Variants in SMPDL3B observed in about 807,000 individuals in gnomAD.
SMPDL3B encodes the protein sphingomyelin phosphodiesterase acid like 3B, also known as acid sphingomyelinase-like phosphodiesterase 3b.
SMPDL3B carries 31 observed loss-of-function variants against 37.9 expected under a neutral mutation model. The observed-to-expected ratio is 0.82, with a 90% CI of 0.61 to 1.10. SMPDL3B has a LOEUF of 1.10. SMPDL3B is among the 50% of genes least tolerant of loss of function. The probability of loss-of-function intolerance (pLI) is 0.00; values close to 1 mark genes in which losing one functional copy is unlikely to be tolerated. For missense variants in SMPDL3B, 525 were observed against 597.8 expected, an observed-to-expected ratio of 0.88 and a Z score of 1.27; for synonymous variants, 235 against 242.6, an observed-to-expected ratio of 0.97 and a Z score of 0.29.
Position 27,958,937 on chromosome 1 carries a change from T to G in SMPDL3B, c.*99T>G. 7.5e-7 allele frequency: 1 copy of G among 1,335,662 alleles called. No individual in the cohort carries two copies. 82.7% of individuals were successfully genotyped at this position (1,335,662 alleles called of 1,614,324 possible). A position where few individuals can be genotyped will look rare whatever the true frequency, so the allele number is the denominator to read the frequency against. ...CACCATTTCCTCCGCGCCTGAGGAG[T>G]GAACTGAAATAGGACAACCGAATCA... On this transcript the variant is annotated 3_prime_UTR_variant, in exon 8 of 8. Transcript: ENST00000373894. This position sits in a 1 kb window ranked among gnomAD's most constrained non-coding sequence, Gnocchi z 5.6.
chr1:27,946,841 A>AT (rs779449494), intron 2 of SMPDL3B, among the ~76,000 whole-genome samples: 7 of 152,148 alleles, frequency 4.6e-5, no homozygotes, highest in Non-Finnish European at 8.8e-5. Flanking sequence ...GACATGTGAC[A>AT]TTGTCTCAGG....
intron 3 of SMPDL3B, among the ~76,000 whole-genome samples, chr1:27,949,677 C>T (rs1324288390): frequency 6.6e-6 from 1 of 152,178 alleles, no homozygotes; most frequent in Non-Finnish European, 1.5e-5. Context: ...CTACGGGACA[C>T]TATAGGGTGA....
chr1:27,952,323 G>A (rs2090461730), intron 3 of SMPDL3B, among the ~76,000 whole-genome samples: 1 of 152,154 alleles, frequency 6.6e-6, no homozygotes, highest in Non-Finnish European at 1.5e-5. Context: ...CAGGGCAAAG[G>A]GTGTGTTAGA....
rs76938686 is a variant in SMPDL3B, at chr1:27,957,491, G to C, written c.1006-985G>C. Among the ~76,000 whole-genome samples the C allele has an allele frequency of 6.9e-4, 105 of 152,268 alleles. 1 individual carries two copies. The highest frequency in any genetic ancestry group is 2.4e-3 in the African/African-American group (99 of 41,554). Reference sequence around the variant, plus strand: ...CTGTTACCTTTGGGAGGGCTAAATGGCATCAAGTGAAAGTGGACAGGGAAG... The same window carrying C: ...CTGTTACCTTTGGGAGGGCTAAATGCCATCAAGTGAAAGTGGACAGGGAAG... On this transcript the variant is annotated intron_variant, in intron 7 of 7. Coordinates refer to ENST00000373894, the MANE Select transcript of SMPDL3B (RefSeq NM_014474.4).
At chr1:27,951,738 AC>A (rs1456746368) in intron 3 of SMPDL3B, among the ~76,000 whole-genome samples, 16 of 152,178 alleles carry the variant, frequency 1.1e-4, no homozygotes, top group Non-Finnish European at 2.4e-4. Flanking sequence ...ACTCTTAGCT[AC>A]TTGGGAGGCT....
At position 27,958,457 on chromosome 1, in the gene SMPDL3B, C is replaced by T. The variant is rs768993612; in HGVS notation, c.1006-19C>T. On this transcript the variant is annotated intron_variant, in intron 7 of 7. Coordinates refer to ENST00000373894, the MANE Select transcript of SMPDL3B (RefSeq NM_014474.4). The surrounding 1 kb of genome is among the most constrained non-coding windows in gnomAD (Gnocchi z 5.6). ...CAGACAACTGCTCACAGCCGGTCTA[C>T]CCCAAACCCTTTTTCCAGGACATGG... 2 of 1,587,152 alleles carry T rather than the reference C, an allele frequency of 1.3e-6. No individual in the cohort carries two copies. Among genetic ancestry groups the T allele is most frequent in the East Asian group, 4.5e-5 (2 of 44,394 alleles).
chr1:27,953,501 G>C (rs11577165), intron 4 of SMPDL3B, 143 bp downstream of exon 4: 153,886 of 714,002 alleles, frequency 0.22, 17,358 homozygotes, highest in Admixed American at 0.27. Flanking sequence ...GCTTAGAAAA[G>C]GCAGTCTTGG....
chr1:27,946,869 T>C (rs1278595518), intron 2 of SMPDL3B, among the ~76,000 whole-genome samples: 1 of 152,194 alleles, frequency 6.6e-6, no homozygotes, highest in Non-Finnish European at 1.5e-5. Context: ...TGGACAGCTC[T>C]GGCTTCCTTG....
rs894090208 is a variant in SMPDL3B at position 27,953,086 on chromosome 1, CTG to C, written c.374-125_374-124del. The C allele has an allele frequency of 8.9e-6, 6 of 674,026 alleles. No individual in the cohort carries two copies. In the Admixed American group the frequency reaches 1.5e-4, roughly 16 times the overall value. 41.8% of individuals were successfully genotyped at this position (674,026 alleles called of 1,614,324 possible). ...ATTCTATCAAATGTGGGTTTCCTAT[CTG>C]TGTCTTTTCCTCATCTGTGCTATCG... On this transcript the variant is annotated intron_variant, in intron 3 of 7. Transcript: ENST00000373894.
intron 7 of SMPDL3B, 199 bp downstream of exon 7, chr1:27,956,281 C>A: frequency 6.6e-7 from 1 of 1,517,240 alleles, no homozygotes; most frequent in East Asian, 2.3e-5. Flanking sequence ...CACCAAGTCA[C>A]CTTTTCCCCT....
intron 4 of SMPDL3B, 125 bp from the exon 5 acceptor site, chr1:27,954,229 A>G: frequency 2.2e-6 from 2 of 926,202 alleles, no homozygotes; most frequent in Non-Finnish European, 3.3e-6. Flanking sequence ...TTGATGTCCC[A>G]CCCATGGGAA....
At chr1:27,949,896 TG>T (rs2148678379) in intron 3 of SMPDL3B, among the ~76,000 whole-genome samples, 1 of 149,986 alleles carries the variant, frequency 6.7e-6, no homozygotes, top group East Asian at 2.0e-4. Flanking sequence ...GACACAGATA[TG>T]GAGTAATAAT....
rs1224596269 is a variant in SMPDL3B at position 27,935,041 on chromosome 1, C to T, written c.-143C>T. ...AGGAGGAAGAGCCAGAGGATCCAGA[C>T]GCCTTGGAGGACTTGGAACACCTGT... On this transcript the variant is annotated 5_prime_UTR_variant, in exon 1 of 8. The change creates a new upstream start codon in the 5' untranslated region. Transcript: ENST00000373894. The T allele has an allele frequency of 3.7e-5, 23 of 625,638 alleles. No homozygotes were observed. Among genetic ancestry groups the T allele is most frequent in the Middle Eastern group, 3.1e-4 (1 of 3,212 alleles). 38.8% of individuals were successfully genotyped at this position (625,638 alleles called of 1,614,324 possible). A position where few individuals can be genotyped will look rare whatever the true frequency, so the allele number is the denominator to read the frequency against.
rs1327193220 is a variant in SMPDL3B at position 27,945,224 on chromosome 1, C to T, written c.62-8C>T. 2 of 1,613,668 alleles carry T rather than the reference C, an allele frequency of 1.2e-6. No individual in the cohort carries two copies. The highest frequency in any genetic ancestry group is 1.3e-5 in the African/African-American group (1 of 75,006). On this transcript the variant is annotated splice_polypyrimidine_tract_variant and splice_region_variant and intron_variant, in intron 1 of 7. Coordinates refer to ENST00000373894, the MANE Select transcript of SMPDL3B (RefSeq NM_014474.4). The surrounding 1 kb of genome is among the most constrained non-coding windows in gnomAD (Gnocchi z 4.0). The stretch of plus-strand genomic sequence containing the variant: ...CAGCTTTGAAGGAGGATGTTTTTTC[C>T]CCTGCAGGGAAGTTCTGGCACATCG...
chr1:27,956,615 T>A, intron 7 of SMPDL3B: 1 of 443,720 alleles, frequency 2.3e-6, no homozygotes, highest in Non-Finnish European at 3.0e-6. Context: ...TGAAAAATAT[T>A]ATTCCTTTAT....
At position 27,945,333 on chromosome 1, in the gene SMPDL3B, G is replaced by A. The variant is rs750939971; in HGVS notation, c.163G>A (p.Asp55Asn). ...ATCAGCTGGATCCCAGCCAGTGCCCGACGCAGGCCCCTGGGGTGACTACCT... is the reference window on the plus strand; with the variant it reads ...ATCAGCTGGATCCCAGCCAGTGCCCAACGCAGGCCCCTGGGGTGACTACCT... ...CPSAGSQPVP[D>N]AGPWGDYLCD... Residue 55 changes from aspartate (D) to asparagine (N), a missense_variant, in exon 2 of 8, where the codon GAC (aspartate) becomes AAC (asparagine). Transcript: ENST00000373894. The surrounding 1 kb of genome is among the most constrained non-coding windows in gnomAD (Gnocchi z 4.0). 7.4e-6 allele frequency: 12 copies of A among 1,614,118 alleles called. No homozygotes were observed. Among genetic ancestry groups the A allele is most frequent in the East Asian group, 2.2e-5 (1 of 44,880 alleles).
In SMPDL3B at chr1:27,935,063, C is replaced by A; in HGVS notation, c.-121C>A. ...AGACGCCTTGGAGGACTTGGAACAC[C>A]TGTAACAGGACAAGGAGTTCTGCTC... On this transcript the variant is annotated 5_prime_UTR_variant, in exon 1 of 8. In the 5' UTR this introduces an upstream ATG that the reference lacks. Coordinates refer to ENST00000373894, the MANE Select transcript of SMPDL3B (RefSeq NM_014474.4). 1 of 711,224 alleles carries A rather than the reference C, an allele frequency of 1.4e-6. No individual in the cohort carries two copies. Among genetic ancestry groups the A allele is most frequent in the Non-Finnish European group, 2.5e-6 (1 of 406,928 alleles). 44.1% of individuals were successfully genotyped at this position (711,224 alleles called of 1,614,324 possible).
intron 1 of SMPDL3B, chr1:27,941,547 G>A (rs916756962): frequency 3.3e-5 from 5 of 152,314 alleles, no homozygotes; most frequent in African/African-American, 1.2e-4. Context: ...ATTGTAAACA[G>A]GGAAGATGGA....
At chr1:27,955,001 C>T (rs773331741) in intron 5 of SMPDL3B, among the ~76,000 whole-genome samples, 3 of 152,188 alleles carry the variant, frequency 2.0e-5, no homozygotes, top group Non-Finnish European at 4.4e-5. Flanking sequence ...CAGCTGGTGC[C>T]CATGAGCATG....
Sources: allele counts gnomAD v4.1 joint callset (sites outside exome capture counted in the v4.1 genomes callset), GRCh38; gene constraint gnomAD v4.1.1; non-coding constraint Gnocchi (gnomAD v3.1); transcripts MANE v1.5; gene names NCBI Gene and HGNC (gene_info 2026-07-23, HGNC 2026-07-21).